The following MALRD1 variants were observed in gnomAD, a reference collection of about 807,000 sequenced individuals.
The protein encoded by MALRD1 is MAM and LDL-receptor class A domain-containing protein 1.
Under a neutral mutation model 242.1 loss-of-function variants are expected in MALRD1, and 247 were observed. The ratio of observed to expected loss-of-function variants is 1.02; its 90% CI spans 0.92 to 1.13. The LOEUF (loss-of-function observed/expected upper bound fraction) is 1.13. MALRD1 is among the 50% of genes most tolerant of loss of function. MALRD1 has a pLI of 0.00. For missense variants in MALRD1, 2,989 were observed against 2,533.1 expected (o/e 1.18, Z -3.86); for synonymous variants, 995 against 866.6 (o/e 1.15, Z -2.60).
chr10:19,586,756 A>G (rs1261168595), intron 33 of MALRD1, among the ~76,000 whole-genome samples: 2 of 152,238 alleles, frequency 1.3e-5, no homozygotes, highest in Non-Finnish European at 2.9e-5. Flanking sequence ...GGCTCCACCC[A>G]GTTCCAGCTT....
intron 2 of MALRD1, among the ~76,000 whole-genome samples, chr10:19,074,351 A>G (rs1189861192): frequency 3.3e-5 from 5 of 152,050 alleles, no homozygotes; most frequent in Admixed American, 3.3e-4. Flanking sequence ...CTCAAGCAGT[A>G]TTTTCCAGAG....
At chr10:19,125,822 A>G (rs1453593207) in intron 7 of MALRD1, among the ~76,000 whole-genome samples, 2 of 151,968 alleles carry the variant, frequency 1.3e-5, no homozygotes, top group Admixed American at 1.3e-4. Flanking sequence ...GATACTTGTA[A>G]TTATTAAGTT....
intron 2 of MALRD1, among the ~76,000 whole-genome samples, chr10:19,078,422 G>A (rs1466202176): frequency 3.3e-5 from 5 of 151,764 alleles, no homozygotes; most frequent in African/African-American, 9.7e-5. Context: ...TGACCATGGC[G>A]AAAAATTTTT....
chr10:19,543,812 A>G (rs1456729093), intron 32 of MALRD1, among the ~76,000 whole-genome samples: 1 of 152,156 alleles, frequency 6.6e-6, no homozygotes, highest in Non-Finnish European at 1.5e-5. Flanking sequence ...CAACTTGTAA[A>G]TGCTGCTAAA....
intron 5 of MALRD1, among the ~76,000 whole-genome samples, chr10:19,118,441 G>A (rs2131369999): frequency 6.6e-6 from 1 of 152,138 alleles, no homozygotes; most frequent in East Asian, 1.9e-4. Flanking sequence ...TGGAAGAGGG[G>A]GCTTCCAGGT....
intron 18 of MALRD1, among the ~76,000 whole-genome samples, chr10:19,230,258 GA>G (rs1410096510): frequency 6.6e-6 from 1 of 152,078 alleles, no homozygotes; most frequent in African/African-American, 2.4e-5. Flanking sequence ...GTCCATGAAT[GA>G]TACTCTGTTA....
At chr10:19,300,312 T>C (rs1242758968) in intron 21 of MALRD1, among the ~76,000 whole-genome samples, 1 of 152,016 alleles carries the variant, frequency 6.6e-6, no homozygotes, top group Non-Finnish European at 1.5e-5. Context: ...ATAGATTTAA[T>C]GCTATTTCTA....
chr10:19,614,306 TG>T (rs1839036864), intron 35 of MALRD1, among the ~76,000 whole-genome samples: 1 of 152,008 alleles, frequency 6.6e-6, no homozygotes, highest in Admixed American at 6.6e-5. Flanking sequence ...TATACTAAGA[TG>T]TCTATGTTAT....
chr10:19,332,227 C>T (rs1468560251), intron 24 of MALRD1, among the ~76,000 whole-genome samples: 1 of 143,790 alleles, frequency 7.0e-6, no homozygotes, highest in Non-Finnish European at 1.5e-5. Flanking sequence ...AAAGACAATT[C>T]ATGCAGGACT....
At chr10:19,250,026 T>G (rs1289384468) in intron 18 of MALRD1, among the ~76,000 whole-genome samples, 2 of 151,960 alleles carry the variant, frequency 1.3e-5, no homozygotes, top group African/African-American at 4.8e-5. Flanking sequence ...ATTAAAATAA[T>G]AAATTAGAGT....
chr10:19,281,321 T>C (rs919550227), intron 20 of MALRD1, among the ~76,000 whole-genome samples: 7 of 152,144 alleles, frequency 4.6e-5, no homozygotes, highest in Admixed American at 1.3e-4. Flanking sequence ...TATGATCTTA[T>C]ATAAGTTGTA....
intron 5 of MALRD1, among the ~76,000 whole-genome samples, chr10:19,106,233 C>T (rs1836457901): frequency 6.6e-6 from 1 of 151,712 alleles, no homozygotes; most frequent in Non-Finnish European, 1.5e-5. Context: ...TTTTAACTCT[C>T]ACATATGAGT....
chr10:19,066,690 G>C, intron 1 of MALRD1, 29 bp from the exon 2 acceptor site: 1 of 1,233,120 alleles, frequency 8.1e-7, no homozygotes, highest in Non-Finnish European at 1.0e-6. Flanking sequence ...ACACAGTTGT[G>C]AAAACCAACT....
intron 21 of MALRD1, among the ~76,000 whole-genome samples, chr10:19,317,069 TA>T (rs1346191071): frequency 1.3e-5 from 2 of 151,190 alleles, no homozygotes; most frequent in South Asian, 2.1e-4. Flanking sequence ...AATCAAAACT[TA>T]AAAAATTTTT....
chr10:19,516,807 A>T (rs4460699), intron 31 of MALRD1, among the ~76,000 whole-genome samples: 31,589 of 150,334 alleles, frequency 0.21, 5,158 homozygotes, highest in African/African-American at 0.46. Context: ...CTTCATCATT[A>T]TCATTTTCTC....
intron 35 of MALRD1, among the ~76,000 whole-genome samples, chr10:19,609,193 G>A (rs1564481719): frequency 6.6e-6 from 1 of 151,962 alleles, no homozygotes. Flanking sequence ...ACACATTTTT[G>A]TTGTCTGTCT....
At chr10:19,073,360 T>C (rs949934579) in intron 2 of MALRD1, among the ~76,000 whole-genome samples, 7 of 152,146 alleles carry the variant, frequency 4.6e-5, no homozygotes, top group Non-Finnish European at 1.0e-4. Flanking sequence ...TTTTATTAAT[T>C]CCAGTGTGTA....
intron 28 of MALRD1, among the ~76,000 whole-genome samples, chr10:19,428,169 G>A (rs921285411): frequency 9.9e-5 from 15 of 151,652 alleles, no homozygotes; most frequent in African/African-American, 2.9e-4. Flanking sequence ...GAGGTGAGGC[G>A]TTGGCAATTA....
chr10:19,491,321 A>G, intron 29 of MALRD1, 196 bp from the exon 30 acceptor site: 1 of 733,082 alleles, frequency 1.4e-6, no homozygotes, highest in Non-Finnish European at 2.2e-6. Flanking sequence ...GATATTTCAG[A>G]AGTAGAGTCT....
Sources: gnomAD v4.1 joint callset for allele counts (sites outside exome capture counted in the v4.1 genomes callset) on GRCh38, gnomAD v4.1.1 for gene constraint, MANE v1.5 for transcripts, NCBI Gene and HGNC (gene_info 2026-07-23, HGNC 2026-07-21) for gene names.